The following POU6F2 variants were observed in gnomAD, a reference collection of about 807,000 sequenced individuals.
The protein encoded by POU6F2 is POU class 6 homeobox 2.
Under a neutral mutation model 71.3 loss-of-function variants are expected in POU6F2, and 31 were observed. The ratio of observed to expected loss-of-function variants is 0.43; its 90% confidence interval spans 0.33 to 0.59. The LOEUF (loss-of-function observed/expected upper bound fraction) is 0.59, where lower values mean the gene tolerates loss of function less well. POU6F2 is among the 20% of genes least tolerant of loss of function. POU6F2 has a pLI of 0.04. For synonymous variants in POU6F2, 347 were observed against 355.7 expected (o/e 0.98, Z 0.27); for missense variants, 783 against 856.8 (o/e 0.91, Z 1.07).
chr7:39,463,420 G>A (rs1028611353), intron 9 of POU6F2, among the ~76,000 whole-genome samples: 2 of 152,194 alleles, frequency 1.3e-5, no homozygotes, highest in African/African-American at 4.8e-5. Flanking sequence ...ACACCGGCTG[G>A]TGTTTGGAAG....
At chr7:39,062,849 TTTTGTTTG>T (rs34183417) in intron 1 of POU6F2, among the ~76,000 whole-genome samples, 3 of 148,362 alleles carry the variant, frequency 2.0e-5, no homozygotes, top group Admixed American at 6.8e-5. Flanking sequence ...CCCAGGAGTT[TTTTGTTTG>T]TTTGTTTGTT....
intron 2 of POU6F2, among the ~76,000 whole-genome samples, chr7:39,088,421 G>A (rs1055936859): frequency 6.6e-6 from 1 of 152,024 alleles, no homozygotes. Flanking sequence ...AGCAACTTTG[G>A]TGACACAATT....
At chr7:39,116,334 G>A (rs910988711) in intron 2 of POU6F2, among the ~76,000 whole-genome samples, 7 of 152,230 alleles carry the variant, frequency 4.6e-5, no homozygotes, top group South Asian at 2.1e-4. Context: ...GCAGTAAGCC[G>A]TGATCATGCC....
chr7:39,352,401 A>G (rs2299137), intron 5 of POU6F2, among the ~76,000 whole-genome samples: 85,213 of 151,986 alleles, frequency 0.56, 24,128 homozygotes, highest in East Asian at 0.74. Context: ...GGGAGGCGGC[A>G]GCTTCTCCTA....
chr7:39,368,156 G>A (rs1438629228), intron 5 of POU6F2, among the ~76,000 whole-genome samples: 2 of 152,150 alleles, frequency 1.3e-5, no homozygotes. Flanking sequence ...TGGTGGGAAA[G>A]GCATTCAAAA....
At chr7:39,189,376 G>T (rs62442240) in intron 2 of POU6F2, among the ~76,000 whole-genome samples, 1 of 151,142 alleles carries the variant, frequency 6.6e-6, no homozygotes, top group Non-Finnish European at 1.5e-5. Context: ...TTTTGTTTGT[G>T]TGTTTGTTTG....
intron 1 of POU6F2, among the ~76,000 whole-genome samples, chr7:38,990,096 C>CA (rs1788567788): frequency 1.3e-5 from 2 of 152,070 alleles, no homozygotes; most frequent in African/African-American, 4.8e-5. Context: ...CCATTCTTCA[C>CA]AAAAACTCAA....
intron 1 of POU6F2, among the ~76,000 whole-genome samples, chr7:39,019,946 A>C (rs1255752069): frequency 6.6e-6 from 1 of 152,130 alleles, no homozygotes; most frequent in Non-Finnish European, 1.5e-5. Flanking sequence ...TTTTCTCAGA[A>C]TCTGGTAACT....
chr7:39,300,957 T>C lies in POU6F2; in HGVS notation c.599-38685T>C, dbSNP rs530932305. ...CTCACTACCACTTTTGCAAAGTTAT[T>C]TTCCTTGAAATGCTGTCTTTCATTT... On this transcript the variant is annotated intron_variant, in intron 4 of 9. Transcript: ENST00000518318. Among the ~76,000 whole-genome samples, 248 of 152,330 alleles carry C rather than the reference T, an allele frequency of 1.6e-3. 1 individual carries two copies. Among genetic ancestry groups the C allele is most frequent in the Non-Finnish European group, 3.1e-3 (209 of 68,032 alleles).
Position 39,208,444 on chromosome 7 carries a change from A to G in POU6F2, c.598+824A>G, listed in dbSNP as rs1794068433. 2.0e-5 allele frequency among the ~76,000 whole-genome samples: 3 copies of G among 152,178 alleles called. No homozygotes were observed. The South Asian group carries it at 6.2e-4, about 31-fold the overall frequency. ...TATATATATAAAATTAACAATTAAA[A>G]TTTTTGCAGAATGAGGGCCTGTCTG... On this transcript the variant is annotated intron_variant, in intron 4 of 9. Transcript: ENST00000518318.
intron 5 of POU6F2, among the ~76,000 whole-genome samples, chr7:39,351,360 C>CTG: frequency 6.6e-6 from 1 of 152,270 alleles, no homozygotes; most frequent in East Asian, 1.9e-4. Flanking sequence ...ACAACCCTGT[C>CTG]TGTGCTTTGT....
intron 4 of POU6F2, among the ~76,000 whole-genome samples, chr7:39,241,094 G>A (rs1198865484): frequency 1.3e-5 from 2 of 152,118 alleles, no homozygotes; most frequent in Non-Finnish European, 1.5e-5. Context: ...CAAGACTTCA[G>A]CAGACTTCTC....
chr7:39,278,206 G>C lies in POU6F2; in HGVS notation c.599-61436G>C, dbSNP rs560382708. 2.0e-5 allele frequency among the ~76,000 whole-genome samples: 3 copies of C among 152,220 alleles called. No homozygotes were observed. The East Asian group carries it at 5.8e-4, about 29-fold the overall frequency. On this transcript the variant is annotated intron_variant, in intron 4 of 9. Transcript: ENST00000518318. The stretch of plus-strand genomic sequence containing the variant: ...GCAAGGAGAACTCTGAGGAAAAGCA[G>C]AGAAGGCGTTTCGGAAAAGCTCCTG...
chr7:39,159,108 G>A (rs370663554), intron 2 of POU6F2, among the ~76,000 whole-genome samples: 1 of 152,160 alleles, frequency 6.6e-6, no homozygotes, highest in East Asian at 1.9e-4. Context: ...AACCTGGGAG[G>A]CGGAGGTTGT....
At chr7:39,261,047 C>T (rs1295361229) in intron 4 of POU6F2, among the ~76,000 whole-genome samples, 2 of 146,574 alleles carry the variant, frequency 1.4e-5, no homozygotes, top group Non-Finnish European at 3.0e-5. Context: ...CACACATCTA[C>T]ATAACACATA....
At chr7:39,088,267 A>C (rs559919189) in intron 2 of POU6F2, among the ~76,000 whole-genome samples, 2 of 151,840 alleles carry the variant, frequency 1.3e-5, no homozygotes, top group South Asian at 2.1e-4. Context: ...GATCAGGAGG[A>C]AGACACTCTA....
chr7:39,202,503 C>G (rs1162261482), intron 2 of POU6F2, among the ~76,000 whole-genome samples: 2 of 152,174 alleles, frequency 1.3e-5, no homozygotes, highest in Admixed American at 6.5e-5. Context: ...TTTGCCTAAT[C>G]TGAATATTTG....
chr7:39,116,941 G>T (rs1172177774), intron 2 of POU6F2, among the ~76,000 whole-genome samples: 1 of 152,244 alleles, frequency 6.6e-6, no homozygotes, highest in Non-Finnish European at 1.5e-5. Context: ...AAGTTCAGGG[G>T]TATATTAGGA....
chr7:39,240,798 T>C (rs1783711834), intron 4 of POU6F2, among the ~76,000 whole-genome samples: 1 of 152,144 alleles, frequency 6.6e-6, no homozygotes, highest in Non-Finnish European at 1.5e-5. Context: ...TAATGACTCT[T>C]GCGAGTAAAA....
Sources: gnomAD v4.1 joint callset for allele counts (sites outside exome capture counted in the v4.1 genomes callset) on GRCh38, gnomAD v4.1.1 for gene constraint, MANE v1.5 for transcripts, NCBI Gene and HGNC (gene_info 2026-07-23, HGNC 2026-07-21) for gene names.